SLC22A23: variants seen among roughly 807,000 people sequenced by gnomAD.
SLC22A23 encodes the protein solute carrier family 22 member 23, also known as ion transporter protein.
Under a neutral mutation model 61.0 loss-of-function variants are expected in SLC22A23, and 26 were observed. That is an observed-to-expected ratio of 0.43 (90% confidence interval 0.31 to 0.59). The LOEUF is 0.59. SLC22A23 is among the 20% of genes least tolerant of loss of function. SLC22A23 has a pLI of 0.11. For missense variants in SLC22A23, 796 were observed against 934.7 expected, an observed-to-expected ratio of 0.85 and a Z score of 1.94; for synonymous variants, 430 against 413.9, an observed-to-expected ratio of 1.04 and a Z score of -0.47.
chr6:3,359,151 A>G (rs1359417527), intron 3 of SLC22A23, among the ~76,000 whole-genome samples: 5 of 152,214 alleles, frequency 3.3e-5, no homozygotes, highest in African/African-American at 2.4e-5. Context: ...ATCACAGATC[A>G]TTTCAACTAA....
Position 3,412,758 on chromosome 6 carries a change from AG to A in SLC22A23, c.759-2417del, listed in dbSNP as rs1769358300. On this transcript the variant is annotated intron_variant, in intron 2 of 9. Coordinates refer to ENST00000406686, the MANE Select transcript of SLC22A23 (RefSeq NM_015482.2). The stretch of plus-strand genomic sequence containing the variant: ...TCCAGGTAGGTCCAATCTAATGACA[AG>A]GAAAACCTCCCCTGGCTCCAGGGAA... 2.6e-5 allele frequency among the ~76,000 whole-genome samples: 4 copies of A among 152,320 alleles called. No individual in the cohort carries two copies. In the South Asian group the frequency reaches 8.3e-4, roughly 32 times the overall value.
At chr6:3,371,432 G>A (rs1766211098) in intron 3 of SLC22A23, among the ~76,000 whole-genome samples, 1 of 152,166 alleles carries the variant, frequency 6.6e-6, no homozygotes, top group African/African-American at 2.4e-5. Flanking sequence ...TTGAGCTTTT[G>A]ATTTTTTTTC....
At chr6:3,365,436 A>C (rs1765744468) in intron 3 of SLC22A23, among the ~76,000 whole-genome samples, 1 of 152,194 alleles carries the variant, frequency 6.6e-6, no homozygotes, top group Non-Finnish European at 1.5e-5. Flanking sequence ...CTGCTTTGAC[A>C]CAGAACAGAA....
intron 3 of SLC22A23, among the ~76,000 whole-genome samples, chr6:3,404,268 T>A (rs1165181520): frequency 2.6e-5 from 4 of 152,218 alleles, no homozygotes; most frequent in African/African-American, 7.2e-5. Context: ...GGAAAGCCTA[T>A]CTGTACATTT....
intron 4 of SLC22A23, among the ~76,000 whole-genome samples, chr6:3,300,183 G>A (rs752054848): frequency 9.9e-5 from 15 of 151,722 alleles, no homozygotes; most frequent in Non-Finnish European, 2.1e-4. Flanking sequence ...GCTAATTTTT[G>A]TATTTTTAGT....
chr6:3,316,244 C>T (rs896356851), intron 4 of SLC22A23, among the ~76,000 whole-genome samples: 2 of 152,150 alleles, frequency 1.3e-5, no homozygotes, highest in African/African-American at 2.4e-5. Context: ...TATTGGTTCC[C>T]CCACCTACAA....
At chr6:3,377,275 T>C (rs1469335247) in intron 3 of SLC22A23, among the ~76,000 whole-genome samples, 2 of 152,104 alleles carry the variant, frequency 1.3e-5, no homozygotes, top group Non-Finnish European at 2.9e-5. Context: ...AGCCCTAGTC[T>C]AGTATTATAG....
chr6:3,273,083 G>A lies in SLC22A23; in HGVS notation c.2033C>T (p.Ala678Val), dbSNP rs776918382. 10 of 1,576,992 alleles carry A rather than the reference G, an allele frequency of 6.3e-6. No individual in the cohort carries two copies. In the South Asian group the frequency reaches 1.0e-4, roughly 16 times the overall value. The change falls in exon 10 of 10, where the codon GCC (alanine) becomes GTC (valine). Residue 678 changes from alanine to valine, a missense_variant. By Grantham distance (64) the Ala-to-Val change is moderately conservative. Coordinates refer to ENST00000406686, the MANE Select transcript of SLC22A23 (RefSeq NM_015482.2). ...CATGGCCTTCATGCCGTTGGCCGTGGCACCCTCGGGCAGTGTGTCACCCGC... is the reference window on the plus strand; with the variant it reads ...CATGGCCTTCATGCCGTTGGCCGTGACACCCTCGGGCAGTGTGTCACCCGC... Reference protein sequence around the residue: ...AAAGDTLPEGATANGMKAM With the variant: ...AAAGDTLPEGVTANGMKAM
At chr6:3,283,793 G>C in intron 9 of SLC22A23, 59 bp downstream of exon 9, 1 of 1,606,706 alleles carries the variant, frequency 6.2e-7, no homozygotes. Context: ...CCTGGAGCCA[G>C]GGACTCGTCT....
At position 3,283,820 on chromosome 6, in the gene SLC22A23, C is replaced by T. The variant is rs200940909; in HGVS notation, c.1703+32G>A. On this transcript the variant is annotated intron_variant, in intron 9 of 9. Transcript: ENST00000406686. ...GACTCGTCTTTGATTTCCGAGAAGCCGGCGTCCCCTGGGGTGTCTCCCATG... is the reference window on the plus strand; with the variant it reads ...GACTCGTCTTTGATTTCCGAGAAGCTGGCGTCCCCTGGGGTGTCTCCCATG... 1,542 of 1,612,236 alleles carry T rather than the reference C, an allele frequency of 9.6e-4. 2 individuals carry two copies. The highest frequency in any genetic ancestry group is 3.6e-3 in the Admixed American group (214 of 59,986).
In SLC22A23 at chr6:3,454,707, G is replaced by A. The variant is rs1456652254; in HGVS notation, c.654+1199C>T. ...CCCATTACCTTGCAGGGCAGCAGGGGCAGCTCAGTCAGACAGTTCCCACAG... is the reference window on the plus strand; with the variant it reads ...CCCATTACCTTGCAGGGCAGCAGGGACAGCTCAGTCAGACAGTTCCCACAG... On this transcript the variant is annotated intron_variant, in intron 1 of 9. Transcript: ENST00000406686. This position sits in a 1 kb window ranked among gnomAD's most constrained non-coding sequence, Gnocchi z 4.3. Among the ~76,000 whole-genome samples the A allele has an allele frequency of 6.6e-6, 1 of 152,168 alleles. No homozygotes were observed. Among genetic ancestry groups the A allele is most frequent in the Non-Finnish European group, 1.5e-5 (1 of 68,028 alleles).
chr6:3,279,166 A>ATATC (rs760433595), intron 9 of SLC22A23, among the ~76,000 whole-genome samples: 5 of 152,244 alleles, frequency 3.3e-5, no homozygotes, highest in Admixed American at 3.3e-4. Context: ...AATATGGAAT[A>ATATC]TATCTTTTTA....
intron 3 of SLC22A23, among the ~76,000 whole-genome samples, chr6:3,346,832 CCTGGCAAAG>C (rs1368315377): frequency 6.6e-6 from 1 of 152,174 alleles, no homozygotes; most frequent in African/African-American, 2.4e-5. Flanking sequence ...TAACCTAGGA[CCTGGCAAAG>C]CTGTCTTGGG....
intron 3 of SLC22A23, among the ~76,000 whole-genome samples, chr6:3,356,500 A>T (rs1734123062): frequency 6.6e-6 from 1 of 152,150 alleles, no homozygotes; most frequent in Non-Finnish European, 1.5e-5. Flanking sequence ...AGCTGACCCT[A>T]AACTTACCGG....
intron 4 of SLC22A23, among the ~76,000 whole-genome samples, chr6:3,313,897 C>T (rs1415098687): frequency 1.3e-5 from 2 of 152,114 alleles, no homozygotes; most frequent in Non-Finnish European, 2.9e-5. Flanking sequence ...GGCATGGTGG[C>T]GCATGCCTGT....
At chr6:3,349,429 A>G (rs774513093) in intron 3 of SLC22A23, among the ~76,000 whole-genome samples, 13 of 152,180 alleles carry the variant, frequency 8.5e-5, no homozygotes, top group Non-Finnish European at 1.6e-4. Flanking sequence ...ACCCCGAGGC[A>G]AGCCCTGTGG....
At position 3,286,642 on chromosome 6, in the gene SLC22A23, C is replaced by CGGGCCG. The variant is rs1370730184; in HGVS notation, c.1546+211_1546+216dup. 5.3e-4 allele frequency among the ~76,000 whole-genome samples: 80 copies of CGGGCCG among 152,294 alleles called. No homozygotes were observed. The highest frequency in any genetic ancestry group is 1.0e-3 in the Non-Finnish European group (69 of 68,022). The stretch of plus-strand genomic sequence containing the variant: ...ACTCGGAAGGAATCATGGTGCAGCC[C>CGGGCCG]GGGCCGGGGCAGGGGCAGGGGGAGG... On this transcript the variant is annotated intron_variant, in intron 7 of 9. Coordinates refer to ENST00000406686, the MANE Select transcript of SLC22A23 (RefSeq NM_015482.2). The surrounding 1 kb of genome is among the most constrained non-coding windows in gnomAD (Gnocchi z 4.2).
Position 3,329,191 on chromosome 6 carries a change from C to T in SLC22A23, c.914-5189G>A, listed in dbSNP as rs187947159. 6.6e-6 allele frequency among the ~76,000 whole-genome samples: 1 copy of T among 151,964 alleles called. No individual in the cohort carries two copies. The highest frequency in any genetic ancestry group is 2.4e-5 in the African/African-American group (1 of 41,328). On this transcript the variant is annotated intron_variant, in intron 3 of 9. Coordinates refer to ENST00000406686, the MANE Select transcript of SLC22A23 (RefSeq NM_015482.2). The surrounding 1 kb of genome is among the most constrained non-coding windows in gnomAD (Gnocchi z 4.8). ...CCTCATCCCCCACAAACACACACAC[C>T]GATCTAACTGTTCATTGGATTCAGT...
intron 1 of SLC22A23, among the ~76,000 whole-genome samples, chr6:3,452,146 T>A (rs1772180571): frequency 6.6e-6 from 1 of 152,202 alleles, no homozygotes; most frequent in African/African-American, 2.4e-5. Flanking sequence ...GTGTATTAAA[T>A]GTATTTTCCA....
Sources: allele counts gnomAD v4.1 joint callset (sites outside exome capture counted in the v4.1 genomes callset), GRCh38; gene constraint gnomAD v4.1.1; non-coding constraint Gnocchi (gnomAD v3.1); transcripts MANE v1.5; gene names NCBI Gene and HGNC (gene_info 2026-07-23, HGNC 2026-07-21).